AUH: variants seen among roughly 807,000 people sequenced by gnomAD.
The protein encoded by AUH is AU RNA binding methylglutaconyl-CoA hydratase, also known as methylglutaconyl-CoA hydratase, mitochondrial.
AUH carries 29 observed loss-of-function variants against 42.3 expected under a neutral mutation model. The observed-to-expected ratio is 0.69, with a 90% CI of 0.51 to 0.93. The LOEUF (loss-of-function observed/expected upper bound fraction) is 0.93. Among genes scored for constraint, AUH ranks in the 40% least tolerant of loss-of-function variants. The probability of loss-of-function intolerance (pLI) is 0.00; values close to 1 mark genes in which losing one functional copy is unlikely to be tolerated. For synonymous variants in AUH, 174 were observed against 166.4 expected, an observed-to-expected ratio of 1.05 and a Z score of -0.35; for missense variants, 452 against 438.1, an observed-to-expected ratio of 1.03 and a Z score of -0.28.
At chr9:91,241,741 C>G (rs1452154119) in intron 6 of AUH, among the ~76,000 whole-genome samples, 1 of 152,070 alleles carries the variant, frequency 6.6e-6, no homozygotes, top group Non-Finnish European at 1.5e-5. Flanking sequence ...TTGATATCTA[C>G]AGATTCCACC....
chr9:91,344,374 T>C (rs948546231), intron 3 of AUH, among the ~76,000 whole-genome samples: 1 of 152,056 alleles, frequency 6.6e-6, no homozygotes, highest in East Asian at 1.9e-4. Context: ...CCAACGTACA[T>C]CTTACATGTA....
At chr9:91,225,255 G>A (rs1827372541) in intron 6 of AUH, among the ~76,000 whole-genome samples, 1 of 152,194 alleles carries the variant, frequency 6.6e-6, no homozygotes, top group Admixed American at 6.5e-5. Context: ...AGGCTCAAAT[G>A]ATCCTTCTGC....
chr9:91,361,420 C>T (rs1832842983), intron 1 of AUH, among the ~76,000 whole-genome samples: 1 of 152,140 alleles, frequency 6.6e-6, no homozygotes, highest in Non-Finnish European at 1.5e-5. Flanking sequence ...CTCGGGGGTA[C>T]ACGTTTAGGT....
In AUH at chr9:91,216,056, T is replaced by C. The variant is rs1249424986; in HGVS notation, c.942+3A>G. ...TCATTGAATTTGTGATTGCATTACATACCTGAGCATAACAAGCTTCTTCTA... is the reference window on the plus strand; with the variant it reads ...TCATTGAATTTGTGATTGCATTACACACCTGAGCATAACAAGCTTCTTCTA... On this transcript the variant is annotated splice_donor_region_variant and intron_variant, in intron 9 of 9. Transcript: ENST00000375731. 1 of 1,609,282 alleles carries C rather than the reference T, an allele frequency of 6.2e-7. No individual in the cohort carries two copies. Among genetic ancestry groups the C allele is most frequent in the Non-Finnish European group, 8.5e-7 (1 of 1,175,864 alleles).
chr9:91,351,462 TATA>T (rs1311632088), intron 3 of AUH, among the ~76,000 whole-genome samples: 2 of 152,344 alleles, frequency 1.3e-5, no homozygotes, highest in African/African-American at 2.4e-5. Context: ...CGCATCGGTA[TATA>T]ATAAGTCACT....
chr9:91,361,508 G>T, intron 1 of AUH, 120 bp downstream of exon 1: 4 of 1,380,314 alleles, frequency 2.9e-6, no homozygotes, highest in Non-Finnish European at 2.9e-6. Context: ...GAGGGACCCA[G>T]GTTCGGTGCG....
At chr9:91,331,057 C>T (rs1326518829) in intron 3 of AUH, among the ~76,000 whole-genome samples, 5 of 152,088 alleles carry the variant, frequency 3.3e-5, no homozygotes, top group South Asian at 2.1e-4. Flanking sequence ...TGATTCCATA[C>T]GCCCTACCCC....
chr9:91,346,221 G>A (rs562904804), intron 3 of AUH, among the ~76,000 whole-genome samples: 12 of 152,222 alleles, frequency 7.9e-5, no homozygotes, highest in African/African-American at 2.4e-4. Context: ...CATGATCAGA[G>A]GGTTAGAACT....
chr9:91,358,916 A>G (rs1832641055), intron 1 of AUH, among the ~76,000 whole-genome samples: 1 of 152,240 alleles, frequency 6.6e-6, no homozygotes, highest in Non-Finnish European at 1.5e-5. Flanking sequence ...AGCTTTATTC[A>G]GCAAAGTCTA....
intron 3 of AUH, among the ~76,000 whole-genome samples, chr9:91,348,236 C>T (rs960839225): frequency 6.6e-6 from 1 of 152,052 alleles, no homozygotes; most frequent in African/African-American, 2.4e-5. Flanking sequence ...CATTAGGATG[C>T]CTACAATTTT....
At chr9:91,218,831 A>C in intron 7 of AUH, 1 of 985,396 alleles carries the variant, frequency 1.0e-6, no homozygotes, top group Non-Finnish European at 1.2e-6. Flanking sequence ...CAAAGTAACA[A>C]ACATAAAAAT....
chr9:91,259,199 G>C (rs866324352), intron 6 of AUH, among the ~76,000 whole-genome samples: 10 of 152,136 alleles, frequency 6.6e-5, no homozygotes, highest in African/African-American at 2.4e-4. Flanking sequence ...TCTTAAAAAA[G>C]TACAGAAGTA....
chr9:91,321,357 G>C (rs1829555514), intron 4 of AUH, among the ~76,000 whole-genome samples: 2 of 151,984 alleles, frequency 1.3e-5, no homozygotes, highest in Non-Finnish European at 2.9e-5. Context: ...ATTTTTTTAA[G>C]ATTGGATGAA....
At chr9:91,237,374 G>T (rs1828247621) in intron 6 of AUH, among the ~76,000 whole-genome samples, 1 of 152,150 alleles carries the variant, frequency 6.6e-6, no homozygotes, top group South Asian at 2.1e-4. Flanking sequence ...GGAGTGAATG[G>T]CTTTGACTCA....
At chr9:91,270,167 A>C (rs766713327) in intron 6 of AUH, among the ~76,000 whole-genome samples, 12 of 152,194 alleles carry the variant, frequency 7.9e-5, no homozygotes, top group Non-Finnish European at 1.2e-4. Context: ...TTTTTGGAAG[A>C]CTCTCAGAGA....
At chr9:91,266,122 G>A (rs1261106653) in intron 6 of AUH, among the ~76,000 whole-genome samples, 1 of 152,066 alleles carries the variant, frequency 6.6e-6, no homozygotes, top group Non-Finnish European at 1.5e-5. Context: ...CAGCACTTTG[G>A]GAGGCTGAGG....
chr9:91,247,080 A>G (rs899199801), intron 6 of AUH, among the ~76,000 whole-genome samples: 1 of 152,126 alleles, frequency 6.6e-6, no homozygotes, highest in African/African-American at 2.4e-5. Context: ...CCTTCCATAC[A>G]GCCTCCTCCC....
chr9:91,281,990 C>T (rs79170239), intron 6 of AUH, among the ~76,000 whole-genome samples: 35,769 of 151,996 alleles, frequency 0.24, 4,592 homozygotes, highest in East Asian at 0.38. Context: ...GAAAAACCTA[C>T]GGTGAGCCCC....
At chr9:91,290,325 G>C (rs1826761157) in intron 6 of AUH, among the ~76,000 whole-genome samples, 1 of 152,116 alleles carries the variant, frequency 6.6e-6, no homozygotes, top group Admixed American at 6.6e-5. Context: ...GCCGAGGTGG[G>C]AAGATCTCGA....
Sources: gnomAD v4.1 joint callset for allele counts (sites outside exome capture counted in the v4.1 genomes callset) on GRCh38, gnomAD v4.1.1 for gene constraint, MANE v1.5 for transcripts, NCBI Gene and HGNC (gene_info 2026-07-23, HGNC 2026-07-21) for gene names.